The following RSPRY1 variants were observed in gnomAD, a reference collection of about 807,000 sequenced individuals.
RSPRY1 encodes the protein ring finger and SPRY domain containing 1.
In RSPRY1, 23 loss-of-function variants were observed where a neutral mutation model predicts 73.1. The observed-to-expected ratio is 0.31, with a 90% confidence interval of 0.23 to 0.45. RSPRY1 has a LOEUF of 0.45. Among genes scored for constraint, RSPRY1 ranks in the 20% least tolerant of loss-of-function variants. RSPRY1 has a pLI of 1.00. For synonymous variants in RSPRY1, 226 were observed against 251.4 expected (o/e 0.90, Z 0.95); for missense variants, 448 against 698.7 (o/e 0.64, Z 4.05).
intron 3 of RSPRY1, among the ~76,000 whole-genome samples, chr16:57,208,324 T>G (rs1449158261): frequency 1.4e-5 from 2 of 144,708 alleles, no homozygotes; most frequent in African/African-American, 5.1e-5. Context: ...TTTTTTTTTT[T>G]TGGCATTGAT....
chr16:57,211,935 C>T (rs1449133465), intron 4 of RSPRY1, among the ~76,000 whole-genome samples: 1 of 152,070 alleles, frequency 6.6e-6, no homozygotes, highest in African/African-American at 2.4e-5. Context: ...ACATTGTGGA[C>T]GGAAGGGGAA....
At chr16:57,210,923 T>A (rs1239690167) in intron 4 of RSPRY1, among the ~76,000 whole-genome samples, 1 of 151,160 alleles carries the variant, frequency 6.6e-6, no homozygotes, top group East Asian at 2.0e-4. Flanking sequence ...GAGGCTGAGG[T>A]GGGAGGATCA....
chr16:57,186,454 C>A lies in RSPRY1; in HGVS notation c.-156+3C>A. The A allele has an allele frequency of 1.9e-5, 3 of 154,984 alleles. No individual in the cohort carries two copies. The South Asian group carries it at 5.4e-4, about 28-fold the overall frequency. 9.6% of individuals were successfully genotyped at this position (154,984 alleles called of 1,614,324 possible). ...GGTGGGCCCGGGAGGTAGAGAAAGT[C>A]AGTGCCACAGCCCGACCGCGCTGCT... On this transcript the variant is annotated splice_donor_region_variant and intron_variant, in intron 1 of 14. Coordinates refer to ENST00000394420, the MANE Select transcript of RSPRY1 (RefSeq NM_133368.3).
chr16:57,224,036 T>G (rs79009676), intron 10 of RSPRY1, among the ~76,000 whole-genome samples: 1 of 152,326 alleles, frequency 6.6e-6, no homozygotes, highest in East Asian at 1.9e-4. Context: ...AGAAAATGAC[T>G]CTGGCTATCT....
rs567583621 is a variant in RSPRY1 at position 57,198,167 on chromosome 16, C to T, written c.-155-6337C>T. Among the ~76,000 whole-genome samples, 5 of 152,212 alleles carry T rather than the reference C, an allele frequency of 3.3e-5. No homozygotes were observed. In the South Asian group the frequency reaches 1.0e-3, roughly 32 times the overall value. ...TTGGGAGGCCGAGGCAGGCGGATCA[C>T]GAGGTCAGGAGATCGAGACTATCCT... is the stretch of plus-strand genomic sequence containing the variant. On this transcript the variant is annotated intron_variant, in intron 1 of 14. Transcript: ENST00000394420.
upstream of RSPRY1, chr16:57,186,196 C>A: frequency 2.0e-6 from 2 of 984,846 alleles, no homozygotes; most frequent in Non-Finnish European, 2.4e-6. Flanking sequence ...GCCTGGAGGG[C>A]GGGCCGGTCC....
At chr16:57,236,993 C>T (rs1442550462) in intron 14 of RSPRY1, among the ~76,000 whole-genome samples, 1 of 151,906 alleles carries the variant, frequency 6.6e-6, no homozygotes, top group Non-Finnish European at 1.5e-5. Flanking sequence ...AGTGAAACCC[C>T]GTCTCTACTA....
At chr16:57,191,143 G>A (rs1474486768) in intron 1 of RSPRY1, among the ~76,000 whole-genome samples, 2 of 152,112 alleles carry the variant, frequency 1.3e-5, no homozygotes, top group African/African-American at 4.8e-5. Context: ...ATAGTTTAAT[G>A]TTCAGTGTTA....
intron 12 of RSPRY1, 88 bp from the exon 13 acceptor site, chr16:57,231,079 A>C (rs1422347982): frequency 7.8e-7 from 1 of 1,275,468 alleles, no homozygotes; most frequent in Non-Finnish European, 1.1e-6. Context: ...GGATTGACTC[A>C]CCCTGCCTTT....
rs763629092 is a variant in RSPRY1, at chr16:57,204,766, CG to C, written c.109del (p.Ala37LeufsTer67). On this transcript the variant is annotated frameshift_variant, in exon 2 of 15. Coordinates refer to ENST00000394420, the MANE Select transcript of RSPRY1 (RefSeq NM_133368.3). LOFTEE classifies it high-confidence loss of function. ...CCCACTTCCTAGGGACTGGAGGTGC[CG>C]CTACTACCATGGGTAATTCCTGTAT... ...IAHFLGTGGA[A>X]TTMGNSCICR... The C allele has an allele frequency of 4.3e-6, 7 of 1,614,104 alleles. No individual in the cohort carries two copies. In the Admixed American group the frequency reaches 6.7e-5, roughly 15 times the overall value.
At chr16:57,203,917 T>A (rs2074673851) in intron 1 of RSPRY1, among the ~76,000 whole-genome samples, 1 of 152,244 alleles carries the variant, frequency 6.6e-6, no homozygotes. Context: ...ACAACTTGTA[T>A]GAATTCTGTC....
chr16:57,216,371 C>T (rs1355814402), intron 7 of RSPRY1, 198 bp downstream of exon 7: 1 of 506,508 alleles, frequency 2.0e-6, no homozygotes, highest in Non-Finnish European at 3.5e-6. Flanking sequence ...AGAATCAAAA[C>T]TTGGTAACCA....
chr16:57,227,232 A>C (rs530132346), intron 10 of RSPRY1, 110 bp from the exon 11 acceptor site: 43 of 718,754 alleles, frequency 6.0e-5, no homozygotes, highest in Non-Finnish European at 1.0e-4. Flanking sequence ...CTCATCATCC[A>C]GAAAGCTTAG....
At chr16:57,211,720 T>A (rs549425111) in intron 4 of RSPRY1, among the ~76,000 whole-genome samples, 1 of 152,150 alleles carries the variant, frequency 6.6e-6, no homozygotes, top group African/African-American at 2.4e-5. Context: ...GTCCTTTTTT[T>A]TTTTCTTTTT....
intron 9 of RSPRY1, among the ~76,000 whole-genome samples, 166 bp from the exon 10 acceptor site, chr16:57,221,106 G>A (rs957574248): frequency 2.0e-5 from 3 of 152,228 alleles, no homozygotes; most frequent in African/African-American, 7.2e-5. Context: ...AATGCCTTAT[G>A]TAGTTTGGTT....
intron 4 of RSPRY1, among the ~76,000 whole-genome samples, chr16:57,210,724 A>AG (rs1345763558): frequency 6.6e-6 from 1 of 151,364 alleles, no homozygotes; most frequent in East Asian, 1.9e-4. Context: ...AAAAAAAAAA[A>AG]AGAAGCATTT....
chr16:57,209,924 C>A (rs2074803325), intron 4 of RSPRY1, among the ~76,000 whole-genome samples: 1 of 152,206 alleles, frequency 6.6e-6, no homozygotes, highest in South Asian at 2.1e-4. Flanking sequence ...AGTCAGCCCA[C>A]CTCAGCCTCC....
At chr16:57,213,740 G>A in intron 5 of RSPRY1, 148 bp from the exon 6 acceptor site, 1 of 653,532 alleles carries the variant, frequency 1.5e-6, no homozygotes, top group Non-Finnish European at 2.7e-6. Flanking sequence ...ACTGTGAAAT[G>A]GAGCTAGTAC....
upstream of RSPRY1, chr16:57,186,181 T>G (rs1427963785): frequency 2.0e-6 from 2 of 985,422 alleles, no homozygotes; most frequent in East Asian, 2.3e-4. Flanking sequence ...GACTGGCCAG[T>G]CTGCGCCTGG....
Sources: gnomAD v4.1 joint callset for allele counts (sites outside exome capture counted in the v4.1 genomes callset) on GRCh38, gnomAD v4.1.1 for gene constraint, MANE v1.5 for transcripts, NCBI Gene and HGNC (gene_info 2026-07-23, HGNC 2026-07-21) for gene names.